IL1RAPL1: variants seen among roughly 807,000 people sequenced by gnomAD.
The protein encoded by IL1RAPL1 is interleukin 1 receptor accessory protein like 1.
In IL1RAPL1, 3 loss-of-function variants were observed where a neutral mutation model predicts 48.4. That is an observed-to-expected ratio of 0.06 (90% confidence interval 0.03 to 0.16). IL1RAPL1 has a LOEUF of 0.16. Among genes scored for constraint, IL1RAPL1 ranks in the 10% least tolerant of loss-of-function variants. The pLI, the probability that IL1RAPL1 is intolerant of heterozygous loss-of-function variation, is 1.00. For synonymous variants in IL1RAPL1, 185 were observed against 187.7 expected (o/e 0.99, Z 0.12); for missense variants, 349 against 530.6 (o/e 0.66, Z 3.36).
chrX:28,962,228 C>G (rs959999490), intron 2 of IL1RAPL1, among the ~76,000 whole-genome samples: 1 of 111,987 alleles, frequency 8.9e-6, no homozygotes, highest in African/African-American at 3.2e-5. Context: ...CATAAACATT[C>G]AAATGACTAA....
chrX:29,012,015 A>G (rs956735340), intron 2 of IL1RAPL1, among the ~76,000 whole-genome samples: 2 of 112,407 alleles, frequency 1.8e-5, no homozygotes, highest in South Asian at 7.3e-4. Context: ...AGAGACCGAC[A>G]TTATATAATA....
intron 1 of IL1RAPL1, among the ~76,000 whole-genome samples, chrX:28,697,085 T>A (rs1935240767): frequency 9.0e-6 from 1 of 111,644 alleles, no homozygotes; most frequent in Non-Finnish European, 1.9e-5. Flanking sequence ...TGTTGTAGAT[T>A]GATCAGTTGT....
intron 6 of IL1RAPL1, among the ~76,000 whole-genome samples, chrX:29,860,993 G>A (rs1270857986): frequency 8.9e-6 from 1 of 112,162 alleles, no homozygotes; most frequent in Non-Finnish European, 1.9e-5. Flanking sequence ...AATGAACTGT[G>A]GTTAAAGATT....
At position 29,948,496 on chromosome X, in the gene IL1RAPL1, GAT is replaced by G. The variant is rs1382624095; in HGVS notation, c.1202-6021_1202-6020del. Among the ~76,000 whole-genome samples the G allele has an allele frequency of 4.5e-5, 5 of 111,492 alleles. 1 individual carries two copies. In the Admixed American group the frequency reaches 4.8e-4, roughly 11 times the overall value. On this transcript the variant is annotated intron_variant, in intron 9 of 10. Coordinates refer to ENST00000378993, the MANE Select transcript of IL1RAPL1 (RefSeq NM_014271.4). The stretch of plus-strand genomic sequence containing the variant: ...TATATCTAATGTTTATTCATTCAAA[GAT>G]ATATGATCTCTGAAGATAATTTTAT...
intron 2 of IL1RAPL1, among the ~76,000 whole-genome samples, chrX:28,821,581 G>A (rs920243389): frequency 9.0e-6 from 1 of 111,575 alleles, no homozygotes; most frequent in African/African-American, 3.3e-5. Context: ...ATTTGGACTT[G>A]AGTCATTTTG....
chrX:29,406,156 G>A (rs1278804292), intron 5 of IL1RAPL1, among the ~76,000 whole-genome samples: 6 of 111,466 alleles, frequency 5.4e-5, no homozygotes, highest in African/African-American at 1.6e-4. Context: ...TTGGGAGGCC[G>A]AGGTGGGCGG....
chrX:29,185,505 G>A (rs768700739), intron 2 of IL1RAPL1, among the ~76,000 whole-genome samples: 2 of 111,793 alleles, frequency 1.8e-5, no homozygotes, highest in Non-Finnish European at 3.8e-5. Context: ...AGCACTTACC[G>A]CAATGCCTGG....
At chrX:28,761,746 A>G (rs898745592) in intron 1 of IL1RAPL1, among the ~76,000 whole-genome samples, 2 of 112,106 alleles carry the variant, frequency 1.8e-5, no homozygotes, top group African/African-American at 6.5e-5. Context: ...TCTAAAATTC[A>G]TACAAATAAA....
At chrX:29,076,802 G>GTCTGTCTATCTATCTA (rs568595100) in intron 2 of IL1RAPL1, among the ~76,000 whole-genome samples, 1,572 of 97,235 alleles carry the variant, frequency 0.016, 11 homozygotes, top group South Asian at 0.05. Flanking sequence ...CTGTCTGTCT[G>GTCTGTCTATCTATCTA]TCTATCTATC....
chrX:28,954,876 C>T (rs186294584), intron 2 of IL1RAPL1, among the ~76,000 whole-genome samples: 43 of 111,691 alleles, frequency 3.8e-4, no homozygotes, highest in Admixed American at 1.1e-3. Context: ...ATTCTCCTTT[C>T]CTCATTTACC....
At chrX:28,792,356 A>G (rs187985327) in intron 2 of IL1RAPL1, among the ~76,000 whole-genome samples, 49 of 111,405 alleles carry the variant, frequency 4.4e-4, no homozygotes, top group Admixed American at 4.2e-3. Context: ...TGGTCATTCC[A>G]TAAAAGTAGA....
intron 1 of IL1RAPL1, among the ~76,000 whole-genome samples, chrX:28,588,994 C>T (rs1464811204): frequency 2.7e-5 from 3 of 111,555 alleles, no homozygotes; most frequent in Non-Finnish European, 5.6e-5. Flanking sequence ...TTTACCCTTT[C>T]GGTAAAAAGT....
intron 1 of IL1RAPL1, among the ~76,000 whole-genome samples, chrX:28,626,349 G>A (rs944879642): frequency 8.9e-6 from 1 of 112,041 alleles, no homozygotes; most frequent in African/African-American, 3.2e-5. Flanking sequence ...TCAACACCCA[G>A]ATTTAGCATA....
chrX:29,874,927 G>A (rs1931871919), intron 6 of IL1RAPL1, among the ~76,000 whole-genome samples: 2 of 111,874 alleles, frequency 1.8e-5, no homozygotes, highest in Non-Finnish European at 3.8e-5. Flanking sequence ...TGGCAGTTTT[G>A]ATAAAATGCA....
intron 1 of IL1RAPL1, among the ~76,000 whole-genome samples, chrX:28,691,574 A>G (rs1935178981): frequency 8.9e-6 from 1 of 112,134 alleles, no homozygotes; most frequent in Non-Finnish European, 1.9e-5. Context: ...TTTGCTAACC[A>G]TTATATCCAT....
intron 6 of IL1RAPL1, among the ~76,000 whole-genome samples, chrX:29,838,869 G>T (rs1040304074): frequency 8.9e-6 from 1 of 112,115 alleles, no homozygotes; most frequent in African/African-American, 3.2e-5. Flanking sequence ...CTCAGCTGGG[G>T]CTCAATTATA....
chrX:28,656,136 C>T (rs1011927521), intron 1 of IL1RAPL1, among the ~76,000 whole-genome samples: 1 of 111,717 alleles, frequency 9.0e-6, no homozygotes, highest in Non-Finnish European at 1.9e-5. Flanking sequence ...AGTTAGTCAT[C>T]CAGTTGCTTC....
intron 3 of IL1RAPL1, among the ~76,000 whole-genome samples, chrX:29,313,284 TGTGC>T (rs750571592): frequency 0.063 from 5,543 of 88,493 alleles, 183 homozygotes; most frequent in Non-Finnish European, 0.11. Flanking sequence ...TGTGTGTGTG[TGTGC>T]GCGCGCACAT....
intron 6 of IL1RAPL1, among the ~76,000 whole-genome samples, chrX:29,908,356 A>T (rs1160806703): frequency 3.0e-5 from 3 of 101,107 alleles, no homozygotes; most frequent in Non-Finnish European, 5.9e-5. Flanking sequence ...TGGGTAACAT[A>T]GCAAGACCCC....
Sources: gnomAD v4.1 joint callset for allele counts (sites outside exome capture counted in the v4.1 genomes callset) on GRCh38, gnomAD v4.1.1 for gene constraint, MANE v1.5 for transcripts, NCBI Gene and HGNC (gene_info 2026-07-23, HGNC 2026-07-21) for gene names.